PTPRT: variants seen among roughly 807,000 people sequenced by gnomAD.
PTPRT encodes protein tyrosine phosphatase receptor type T.
Under a neutral mutation model 176.8 loss-of-function variants are expected in PTPRT, and 56 were observed. The ratio of observed to expected loss-of-function variants is 0.32; its 90% CI spans 0.26 to 0.40. PTPRT has a LOEUF of 0.40. PTPRT is among the 10% of genes least tolerant of loss of function. PTPRT has a pLI of 1.00. For synonymous variants in PTPRT, 783 were observed against 739.0 expected, an observed-to-expected ratio of 1.06 and a Z score of -0.96; for missense variants, 1,540 against 1,908.2, an observed-to-expected ratio of 0.81 and a Z score of 3.60.
At chr20:42,889,847 A>G (rs1277751567) in intron 1 of PTPRT, among the ~76,000 whole-genome samples, 1 of 152,236 alleles carries the variant, frequency 6.6e-6, no homozygotes, top group Non-Finnish European at 1.5e-5. Flanking sequence ...CCACAAATCT[A>G]TGCTGCGATT....
rs2076208073 is a variant in PTPRT, at chr20:42,715,408, G to C, written c.860-37249C>G. Among the ~76,000 whole-genome samples the C allele has an allele frequency of 2.0e-5, 3 of 152,208 alleles. No homozygotes were observed. In the South Asian group the frequency reaches 6.2e-4, roughly 32 times the overall value. ...TATAAATATTTTTGAAAGATTTAAA[G>C]AAAATTGGATATAATGGGAGGATAG... is the stretch of plus-strand genomic sequence containing the variant. On this transcript the variant is annotated intron_variant, in intron 6 of 30. Coordinates refer to ENST00000373187, the MANE Select transcript of PTPRT (RefSeq NM_007050.6).
chr20:42,541,944 T>A (rs1247764642), intron 7 of PTPRT, among the ~76,000 whole-genome samples: 2 of 152,188 alleles, frequency 1.3e-5, no homozygotes, highest in Non-Finnish European at 2.9e-5. Context: ...ATAGCTCCCA[T>A]AATCCCCATG....
intron 1 of PTPRT, among the ~76,000 whole-genome samples, chr20:42,934,646 C>G (rs1022542746): frequency 6.6e-5 from 10 of 152,166 alleles, no homozygotes; most frequent in Admixed American, 6.5e-4. Flanking sequence ...GAACTATTGA[C>G]CAGAGGCATC....
Position 42,959,331 on chromosome 20 carries a change from G to A in PTPRT, c.89-73399C>T, listed in dbSNP as rs1272972148. On this transcript the variant is annotated intron_variant, in intron 1 of 30. Transcript: ENST00000373187. Reference sequence around the variant, plus strand: ...AATAAAAATAAAAAGTTAGAGAAACGGTGATCACCAAAAGACATAACTAAT... The same window carrying A: ...AATAAAAATAAAAAGTTAGAGAAACAGTGATCACCAAAAGACATAACTAAT... Among the ~76,000 whole-genome samples the A allele has an allele frequency of 2.0e-5, 3 of 152,226 alleles. No individual in the cohort carries two copies. The East Asian group carries it at 5.8e-4, about 29-fold the overall frequency.
intron 8 of PTPRT, among the ~76,000 whole-genome samples, chr20:42,458,660 G>A (rs1367532900): frequency 1.3e-5 from 2 of 152,074 alleles, no homozygotes; most frequent in African/African-American, 2.4e-5. Flanking sequence ...TATTTCCTGT[G>A]ATGTCCTTAC....
intron 6 of PTPRT, among the ~76,000 whole-genome samples, chr20:42,728,503 C>A (rs543924205): frequency 6.6e-6 from 1 of 152,302 alleles, no homozygotes; most frequent in South Asian, 2.1e-4. Flanking sequence ...CACAGCCTGG[C>A]TCCTTTACTC....
At chr20:42,823,466 T>A (rs941304470) in intron 2 of PTPRT, among the ~76,000 whole-genome samples, 10 of 152,108 alleles carry the variant, frequency 6.6e-5, no homozygotes, top group African/African-American at 2.4e-4. Context: ...CATATACTCA[T>A]GTAACAAACC....
chr20:42,611,758 G>A (rs909020586), intron 7 of PTPRT, among the ~76,000 whole-genome samples: 2 of 152,142 alleles, frequency 1.3e-5, no homozygotes, highest in South Asian at 4.2e-4. Flanking sequence ...TCAAGGGTGA[G>A]AGCCAGCCCA....
At chr20:42,101,742 C>T (rs1286398426) in intron 26 of PTPRT, among the ~76,000 whole-genome samples, 3 of 152,206 alleles carry the variant, frequency 2.0e-5, no homozygotes, top group African/African-American at 4.8e-5. Flanking sequence ...GTGTCTGCAC[C>T]GTCTTGTGTT....
chr20:42,086,726 C>CA (rs367948746), intron 27 of PTPRT, among the ~76,000 whole-genome samples: 10 of 82,204 alleles, frequency 1.2e-4, no homozygotes, highest in African/African-American at 3.7e-4. Context: ...GACTCCATCT[C>CA]AAAAAAAAAA....
chr20:42,577,210 T>C (rs2073276573), intron 7 of PTPRT, among the ~76,000 whole-genome samples: 1 of 152,208 alleles, frequency 6.6e-6, no homozygotes, highest in South Asian at 2.1e-4. Flanking sequence ...CATCAGGCTC[T>C]TTACAAAATT....
In PTPRT at chr20:42,110,503, G is replaced by T. The variant is rs1334988993; in HGVS notation, c.3100-16C>A. ...GGTAGCCTTTCTGAGGAAAGAACGG[G>T]CCTCTGTTCTTCCAGCTGCTGCCCT... On this transcript the variant is annotated splice_polypyrimidine_tract_variant and intron_variant, in intron 22 of 30. Transcript: ENST00000373187. 1 of 1,579,116 alleles carries T rather than the reference G, an allele frequency of 6.3e-7. No individual in the cohort carries two copies. The highest frequency in any genetic ancestry group is 1.3e-5 in the African/African-American group (1 of 74,168).
chr20:42,391,621 C>T (rs571016845), intron 9 of PTPRT, among the ~76,000 whole-genome samples: 7 of 152,042 alleles, frequency 4.6e-5, no homozygotes, highest in South Asian at 2.1e-4. Context: ...TTTGTTTGTT[C>T]GTTTGTTTTT....
intron 7 of PTPRT, among the ~76,000 whole-genome samples, chr20:42,478,179 G>T (rs2071324295): frequency 6.6e-6 from 1 of 152,202 alleles, no homozygotes; most frequent in African/African-American, 2.4e-5. Context: ...CATATGTGGG[G>T]CCCTTGTGGG....
Position 42,253,281 on chromosome 20 carries a change from T to C in PTPRT, c.2177-4459A>G, listed in dbSNP as rs1600731781. Reference sequence around the variant, plus strand: ...GCTACTGATGGGGCCATTGGCAATGTGGTGCGCTTTCCACAGATGCCAGCA... The same window carrying C: ...GCTACTGATGGGGCCATTGGCAATGCGGTGCGCTTTCCACAGATGCCAGCA... On this transcript the variant is annotated intron_variant, in intron 13 of 30. Transcript: ENST00000373187. Among the ~76,000 whole-genome samples the C allele has an allele frequency of 4.6e-5, 7 of 152,246 alleles. No individual in the cohort carries two copies. In the South Asian group the frequency reaches 1.5e-3, roughly 32 times the overall value.
chr20:42,112,782 A>G (rs1987071949), intron 22 of PTPRT, among the ~76,000 whole-genome samples: 5 of 152,188 alleles, frequency 3.3e-5, no homozygotes, highest in Admixed American at 3.3e-4. Flanking sequence ...GGGAAACCCA[A>G]ACTAACATAG....
rs1257876754 is a variant in PTPRT at position 42,115,188 on chromosome 20, A to G, written c.3099+11T>C. 1 of 1,604,252 alleles carries G rather than the reference A, an allele frequency of 6.2e-7. No homozygotes were observed. The highest frequency in any genetic ancestry group is 1.1e-5 in the South Asian group (1 of 90,882). ...GGTGGACCGGCTGCCCACAGCCTCC[A>G]AGAAGCTTACCTTCTGGACTGTGAA... On this transcript the variant is annotated intron_variant, in intron 22 of 30. Coordinates refer to ENST00000373187, the MANE Select transcript of PTPRT (RefSeq NM_007050.6).
At chr20:42,187,037 C>T (rs1990809939) in intron 16 of PTPRT, among the ~76,000 whole-genome samples, 1 of 152,092 alleles carries the variant, frequency 6.6e-6, no homozygotes, top group Non-Finnish European at 1.5e-5. Context: ...GATATCAACT[C>T]ATATGATTGG....
chr20:42,057,410 A>G, the PTPRT span, among the ~76,000 whole-genome samples: 1 of 152,134 alleles, frequency 6.6e-6, no homozygotes. Context: ...ACGGATTGTG[A>G]GAAGGGAGAC....
Sources: allele counts gnomAD v4.1 joint callset (sites outside exome capture counted in the v4.1 genomes callset), GRCh38; gene constraint gnomAD v4.1.1; transcripts MANE v1.5; gene names NCBI Gene and HGNC (gene_info 2026-07-23, HGNC 2026-07-21).